LDB2: variants seen among roughly 807,000 people sequenced by gnomAD.
LDB2 encodes the protein LIM domain binding 2.
LDB2 carries 12 observed loss-of-function variants against 44.3 expected under a neutral mutation model. The observed-to-expected ratio is 0.27, with a 90% CI of 0.17 to 0.44. The LOEUF (loss-of-function observed/expected upper bound fraction) is 0.44. LDB2 is among the 20% of genes least tolerant of loss of function. The pLI is 1.00. For synonymous variants in LDB2, 164 were observed against 174.8 expected (o/e 0.94, Z 0.49); for missense variants, 344 against 473.5 (o/e 0.73, Z 2.54).
At chr4:16,642,797 C>T (rs1004838077) in intron 2 of LDB2, among the ~76,000 whole-genome samples, 11 of 152,166 alleles carry the variant, frequency 7.2e-5, no homozygotes, top group Non-Finnish European at 1.2e-4. Context: ...TAGATGACCA[C>T]GGGTAACTGC....
intron 2 of LDB2, among the ~76,000 whole-genome samples, chr4:16,757,862 G>A (rs894910146): frequency 1.3e-5 from 2 of 152,082 alleles, no homozygotes; most frequent in Admixed American, 1.3e-4. Context: ...TTTACACTAG[G>A]AGTCACTTTG....
chr4:16,801,020 G>A (rs1040164537), intron 1 of LDB2, among the ~76,000 whole-genome samples: 5 of 152,148 alleles, frequency 3.3e-5, no homozygotes, highest in African/African-American at 1.2e-4. Flanking sequence ...ACTCCCCATG[G>A]GACACTGTCC....
At chr4:16,696,206 G>A (rs1166563628) in intron 2 of LDB2, among the ~76,000 whole-genome samples, 1 of 152,124 alleles carries the variant, frequency 6.6e-6, no homozygotes, top group African/African-American at 2.4e-5. Flanking sequence ...ACCATCATCT[G>A]GGCTGTAGCG....
At chr4:16,731,706 C>T (rs1396678370) in intron 2 of LDB2, among the ~76,000 whole-genome samples, 2 of 152,090 alleles carry the variant, frequency 1.3e-5, no homozygotes, top group Non-Finnish European at 2.9e-5. Flanking sequence ...ATTATGGCGG[C>T]CCAAGCTGTC....
At position 16,759,185 on chromosome 4, in the gene LDB2, A is replaced by T. The variant is rs1465619970; in HGVS notation, c.208T>A (p.Cys70Ser). 1 of 1,613,956 alleles carries T rather than the reference A, an allele frequency of 6.2e-7. No individual in the cohort carries two copies. Among genetic ancestry groups the T allele is most frequent in the South Asian group, 1.1e-5 (1 of 91,076 alleles). Residue 70 changes from cysteine (C) to serine (S), a missense_variant, in exon 2 of 8, where the codon TGT (cysteine) becomes AGT (serine). By Grantham distance (112) the Cys-to-Ser change is moderately radical. Coordinates refer to ENST00000304523, the MANE Select transcript of LDB2 (RefSeq NM_001290.5). ...EDDATLTLSF[C>S]LEDGPKRYTI... ...TATCGCTTTGGTCCATCTTCCAAAC[A>T]AAATGAAAGGGTTAATGTGGCGTCA...
chr4:16,683,130 G>A (rs897847628), intron 2 of LDB2, among the ~76,000 whole-genome samples: 6 of 152,016 alleles, frequency 3.9e-5, no homozygotes, highest in Admixed American at 1.3e-4. Context: ...ATGGAGTACC[G>A]CACCTCCCCC....
chr4:16,548,579 G>A (rs1935341030), intron 5 of LDB2, among the ~76,000 whole-genome samples: 1 of 152,188 alleles, frequency 6.6e-6, no homozygotes, highest in Non-Finnish European at 1.5e-5. Flanking sequence ...GACTTGGAAT[G>A]CAGCCTGCAT....
In LDB2 at chr4:16,844,248, C is replaced by CAAAA. The variant is rs34034796; in HGVS notation, c.132+54102_132+54105dup. Reference sequence around the variant, plus strand: ...GGGAGACAGAGACACACCCTGTCTCCAAAAAAAAAAAAAAAAAAAAAAAAA... The same window carrying CAAAA: ...GGGAGACAGAGACACACCCTGTCTCCAAAAAAAAAAAAAAAAAAAAAAAAAAAAA... On this transcript the variant is annotated intron_variant, in intron 1 of 7. Coordinates refer to ENST00000304523, the MANE Select transcript of LDB2 (RefSeq NM_001290.5). Among the ~76,000 whole-genome samples, 3 of 30,074 alleles carry CAAAA rather than the reference C, an allele frequency of 1.0e-4. 1 individual carries two copies. Among genetic ancestry groups the CAAAA allele is most frequent in the African/African-American group, 4.0e-4 (3 of 7,564 alleles). The allele number at this position is 30,074 out of a possible 152,430, so 19.7% of individuals were successfully genotyped here.
intron 2 of LDB2, chr4:16,751,077 C>T (rs1199717096): frequency 6.6e-6 from 1 of 152,162 alleles, no homozygotes; most frequent in South Asian, 2.1e-4. Context: ...AACATAGTCA[C>T]ACAGAGTCAG....
chr4:16,832,962 C>G (rs1475831787), intron 1 of LDB2, among the ~76,000 whole-genome samples: 1 of 152,188 alleles, frequency 6.6e-6, no homozygotes, highest in Non-Finnish European at 1.5e-5. Context: ...GCTTAACACA[C>G]AGTCACACAA....
intron 5 of LDB2, among the ~76,000 whole-genome samples, chr4:16,543,234 C>G (rs1413444148): frequency 4.6e-5 from 7 of 152,142 alleles, no homozygotes; most frequent in African/African-American, 1.4e-4. Flanking sequence ...AATAAACATA[C>G]TTGTGCATGT....
In LDB2 at chr4:16,783,813, T is replaced by C. The variant is rs865822625; in HGVS notation, c.133-24553A>G. On this transcript the variant is annotated intron_variant, in intron 1 of 7. Transcript: ENST00000304523. ...TTATTAAATAGTGTTTCTAAAGGGA[T>C]TTGAGTGGTTTTTGGTTTCCTTTTC... Among the ~76,000 whole-genome samples the C allele has an allele frequency of 3.3e-5, 5 of 152,318 alleles. No homozygotes were observed. The South Asian group carries it at 8.3e-4, about 25-fold the overall frequency.
intron 2 of LDB2, among the ~76,000 whole-genome samples, chr4:16,686,706 A>G (rs1192662574): frequency 2.0e-5 from 3 of 152,216 alleles, no homozygotes; most frequent in Non-Finnish European, 4.4e-5. Context: ...AGGATACTGC[A>G]GGTGAATTCC....
At chr4:16,572,637 C>T (rs1002548425) in intron 5 of LDB2, among the ~76,000 whole-genome samples, 5 of 151,944 alleles carry the variant, frequency 3.3e-5, no homozygotes, top group Middle Eastern at 3.4e-3. Flanking sequence ...TTTCTTTGGC[C>T]TGACTTCAGA....
chr4:16,779,914 C>G (rs563153367), intron 1 of LDB2, among the ~76,000 whole-genome samples: 1 of 152,228 alleles, frequency 6.6e-6, no homozygotes, highest in Non-Finnish European at 1.5e-5. Flanking sequence ...AATGCAAGAT[C>G]TTCTTTCTTT....
At chr4:16,759,736 C>T (rs1163244348) in intron 1 of LDB2, among the ~76,000 whole-genome samples, 3 of 151,888 alleles carry the variant, frequency 2.0e-5, no homozygotes, top group African/African-American at 4.8e-5. Flanking sequence ...CACAAATATC[C>T]CTATAAAAGA....
rs1181104011 is a variant in LDB2, at chr4:16,889,948, C to T, written c.132+8406G>A. On this transcript the variant is annotated intron_variant, in intron 1 of 7. Coordinates refer to ENST00000304523, the MANE Select transcript of LDB2 (RefSeq NM_001290.5). ...ACCTCCTAATTGCTGGGACTCTTTT[C>T]CTTTATTGTCCTTCTTTTCTTTTTC... 2.6e-5 allele frequency among the ~76,000 whole-genome samples: 4 copies of T among 152,266 alleles called. No individual in the cohort carries two copies. The East Asian group carries it at 5.8e-4, about 22-fold the overall frequency.
intron 5 of LDB2, among the ~76,000 whole-genome samples, chr4:16,541,843 G>C (rs1348664839): frequency 6.6e-6 from 1 of 152,214 alleles, no homozygotes; most frequent in East Asian, 1.9e-4. Context: ...CATAGGAGTT[G>C]AGAATTGCTG....
At chr4:16,661,529 C>T (rs1366729359) in intron 2 of LDB2, among the ~76,000 whole-genome samples, 1 of 152,148 alleles carries the variant, frequency 6.6e-6, no homozygotes, top group Non-Finnish European at 1.5e-5. Flanking sequence ...CTTCCTAGGG[C>T]TGTTGTGAGA....
Sources: gnomAD v4.1 joint callset for allele counts (sites outside exome capture counted in the v4.1 genomes callset) on GRCh38, gnomAD v4.1.1 for gene constraint, MANE v1.5 for transcripts, NCBI Gene and HGNC (gene_info 2026-07-23, HGNC 2026-07-21) for gene names.